MAGI2: variants seen among roughly 807,000 people sequenced by gnomAD.
MAGI2 encodes membrane associated guanylate kinase, WW and PDZ domain containing 2.
MAGI2 carries 35 observed loss-of-function variants against 133.3 expected under a neutral mutation model. That is an observed-to-expected ratio of 0.26 (90% CI 0.20 to 0.35). The LOEUF (loss-of-function observed/expected upper bound fraction) is 0.35. Among genes scored for constraint, MAGI2 ranks in the 10% least tolerant of loss-of-function variants. The pLI is 1.00. For missense variants in MAGI2, 1,636 were observed against 1,863.4 expected (o/e 0.88, Z 2.25); for synonymous variants, 729 against 710.6 (o/e 1.03, Z -0.41).
intron 1 of MAGI2, among the ~76,000 whole-genome samples, chr7:79,384,317 A>G (rs901078471): frequency 5.9e-5 from 9 of 151,446 alleles, no homozygotes; most frequent in Non-Finnish European, 1.2e-4. Flanking sequence ...GAAGTGACCA[A>G]TTTGCTTCTT....
intron 1 of MAGI2, among the ~76,000 whole-genome samples, chr7:79,097,102 C>T (rs188306704): frequency 1.1e-3 from 166 of 152,174 alleles, no homozygotes; most frequent in African/African-American, 3.8e-3. Context: ...ATTAGCTAAT[C>T]CTCACTGAAG....
At chr7:78,051,746 G>A (rs7787948) in intron 21 of MAGI2, among the ~76,000 whole-genome samples, 27,042 of 151,848 alleles carry the variant, frequency 0.18, 3,442 homozygotes, top group African/African-American at 0.35. Context: ...CACCATGCCC[G>A]GCTAATTTTT....
chr7:79,343,710 T>C (rs1469244097), intron 1 of MAGI2, among the ~76,000 whole-genome samples: 1 of 152,208 alleles, frequency 6.6e-6, no homozygotes, highest in Non-Finnish European at 1.5e-5. Context: ...TAGTTTCTTA[T>C]GTAACATTAC....
intron 1 of MAGI2, among the ~76,000 whole-genome samples, chr7:79,128,934 G>T (rs1047739478): frequency 6.6e-6 from 1 of 152,084 alleles, no homozygotes; most frequent in East Asian, 1.9e-4. Context: ...GCAGTGGCAT[G>T]ATCTCGGCTC....
Position 78,721,479 on chromosome 7 carries a change from T to C in MAGI2, c.419-94240A>G, listed in dbSNP as rs143656952. Among the ~76,000 whole-genome samples, 8 of 152,120 alleles carry C rather than the reference T, an allele frequency of 5.3e-5. No individual in the cohort carries two copies. The East Asian group carries it at 1.5e-3, about 29-fold the overall frequency. On this transcript the variant is annotated intron_variant, in intron 2 of 21. Coordinates refer to ENST00000354212, the MANE Select transcript of MAGI2 (RefSeq NM_012301.4). Reference sequence around the variant, plus strand: ...GACATATGTGGGTTACCTGATACTTTAGAAAGCAGAGAATAGATATCCCCT... The same window carrying C: ...GACATATGTGGGTTACCTGATACTTCAGAAAGCAGAGAATAGATATCCCCT...
intron 16 of MAGI2, among the ~76,000 whole-genome samples, chr7:78,150,519 T>G (rs1362702053): frequency 6.6e-6 from 1 of 152,214 alleles, no homozygotes. Flanking sequence ...GGGAGAGTGA[T>G]GGGCATCCTG....
intron 2 of MAGI2, among the ~76,000 whole-genome samples, chr7:78,676,701 A>C (rs1815072499): frequency 6.6e-6 from 1 of 152,148 alleles, no homozygotes; most frequent in African/African-American, 2.4e-5. Flanking sequence ...TTTAAAAATA[A>C]TCTTATTACA....
chr7:78,724,855 A>G (rs969548987), intron 2 of MAGI2, among the ~76,000 whole-genome samples: 22 of 152,240 alleles, frequency 1.4e-4, no homozygotes, highest in African/African-American at 5.3e-4. Context: ...CTTCAGAAGG[A>G]TGTCACATGA....
At chr7:78,133,446 A>T (rs1451112307) in intron 17 of MAGI2, among the ~76,000 whole-genome samples, 4 of 152,328 alleles carry the variant, frequency 2.6e-5, no homozygotes, top group Admixed American at 2.6e-4. Flanking sequence ...AAACAGCCTG[A>T]AGAGTCTTCC....
intron 1 of MAGI2, among the ~76,000 whole-genome samples, chr7:79,067,033 A>G (rs113147462): frequency 0.036 from 5,490 of 152,182 alleles, 211 homozygotes; most frequent in African/African-American, 0.097. Context: ...AGTTTGAAAC[A>G]GGTGGCATGA....
At chr7:79,445,115 T>C (rs923754153) in intron 1 of MAGI2, among the ~76,000 whole-genome samples, 71 of 152,288 alleles carry the variant, frequency 4.7e-4, no homozygotes, top group African/African-American at 1.6e-3. Context: ...TAGCCATATG[T>C]AGAAAGCTGA....
At chr7:78,573,060 TATATATATATATATATAC>T (rs1801706879) in intron 3 of MAGI2, among the ~76,000 whole-genome samples, 1 of 99,786 alleles carries the variant, frequency 1.0e-5, no homozygotes, top group African/African-American at 4.0e-5. Context: ...TATATATATA[TATATATATATATATATAC>T]ACACACACAC....
chr7:78,302,413 G>T (rs798276), intron 9 of MAGI2, among the ~76,000 whole-genome samples: 74,689 of 151,972 alleles, frequency 0.49, 20,608 homozygotes, highest in African/African-American at 0.75. Context: ...TTTCAAATTT[G>T]GATCTCAATC....
At chr7:78,624,169 T>A (rs999564014) in intron 3 of MAGI2, among the ~76,000 whole-genome samples, 1 of 152,130 alleles carries the variant, frequency 6.6e-6, no homozygotes, top group South Asian at 2.1e-4. Context: ...TTAATGCAGT[T>A]ATTTTTTTCT....
At chr7:78,581,710 T>G (rs1802856683) in intron 3 of MAGI2, among the ~76,000 whole-genome samples, 1 of 152,054 alleles carries the variant, frequency 6.6e-6, no homozygotes, top group South Asian at 2.1e-4. Context: ...GCATACAAAT[T>G]TGGTTAAGTT....
At chr7:78,174,520 A>G (rs1260418589) in intron 14 of MAGI2, among the ~76,000 whole-genome samples, 1 of 152,192 alleles carries the variant, frequency 6.6e-6, no homozygotes, top group Non-Finnish European at 1.5e-5. Flanking sequence ...CATTCATTTG[A>G]TATCTTTTAA....
At chr7:78,266,519 C>T (rs749298965) in intron 9 of MAGI2, among the ~76,000 whole-genome samples, 1 of 151,668 alleles carries the variant, frequency 6.6e-6, no homozygotes, top group Non-Finnish European at 1.5e-5. Flanking sequence ...GTGTTTTTAG[C>T]CAGAGGAAAG....
At chr7:78,156,815 A>AAG (rs1301969162) in intron 16 of MAGI2, among the ~76,000 whole-genome samples, 2 of 150,104 alleles carry the variant, frequency 1.3e-5, no homozygotes, top group Admixed American at 6.7e-5. Context: ...AGCCACGAAA[A>AAG]AAAAAACAAA....
chr7:78,398,835 T>A (rs907645324), intron 6 of MAGI2, among the ~76,000 whole-genome samples: 8 of 152,170 alleles, frequency 5.3e-5, no homozygotes, highest in Non-Finnish European at 7.4e-5. Context: ...TCCTCCTGCT[T>A]TTTGTTTCAG....
Sources: allele counts gnomAD v4.1 joint callset (sites outside exome capture counted in the v4.1 genomes callset), GRCh38; gene constraint gnomAD v4.1.1; transcripts MANE v1.5; gene names NCBI Gene and HGNC (gene_info 2026-07-23, HGNC 2026-07-21).